GBE1: variants seen among roughly 807,000 people sequenced by gnomAD.
GBE1 encodes 1,4-alpha-glucan-branching enzyme.
Under a neutral mutation model 88.8 loss-of-function variants are expected in GBE1, and 70 were observed. The ratio of observed to expected loss-of-function variants is 0.79; its 90% CI spans 0.65 to 0.96. GBE1 has a LOEUF of 0.96. Among genes scored for constraint, GBE1 ranks in the 40% least tolerant of loss-of-function variants. GBE1 has a pLI of 0.00. For synonymous variants in GBE1, 284 were observed against 300.1 expected, an observed-to-expected ratio of 0.95 and a Z score of 0.56; for missense variants, 872 against 871.0, an observed-to-expected ratio of 1.00 and a Z score of -0.01.
chr3:81,674,919 A>G (rs1705232417), intron 2 of GBE1, among the ~76,000 whole-genome samples: 1 of 152,024 alleles, frequency 6.6e-6, no homozygotes. Flanking sequence ...CCAAGCATAG[A>G]ACTACACATA....
chr3:81,528,811 C>T (rs1006999281), intron 14 of GBE1, among the ~76,000 whole-genome samples: 5 of 151,900 alleles, frequency 3.3e-5, no homozygotes, highest in Non-Finnish European at 5.9e-5. Flanking sequence ...TTTATGCTTT[C>T]TGTTTGCATA....
At chr3:81,514,418 C>T (rs949822006) in intron 14 of GBE1, among the ~76,000 whole-genome samples, 2 of 151,442 alleles carry the variant, frequency 1.3e-5, no homozygotes, top group Non-Finnish European at 1.5e-5. Flanking sequence ...ACAGCTGATA[C>T]CACATAACTA....
chr3:81,743,601 G>A lies in GBE1; in HGVS notation c.143+17774C>T, dbSNP rs1706381475. 5 of 1,535,040 alleles carry A rather than the reference G, an allele frequency of 3.3e-6. 1 individual carries two copies. The Admixed American group carries it at 9.8e-5, about 30-fold the overall frequency. ...TGGGACAACGAAGTTAGAAACAGCTGTTAATCTGGGCCGAATCCAAGTGAA... is the reference window on the plus strand; with the variant it reads ...TGGGACAACGAAGTTAGAAACAGCTATTAATCTGGGCCGAATCCAAGTGAA... On this transcript the variant is annotated intron_variant, in intron 1 of 15. Coordinates refer to ENST00000429644, the MANE Select transcript of GBE1 (RefSeq NM_000158.4).
rs145751568 is a variant in GBE1 at position 81,748,410 on chromosome 3, A to G, written c.143+12965T>C. On this transcript the variant is annotated intron_variant, in intron 1 of 15. Coordinates refer to ENST00000429644, the MANE Select transcript of GBE1 (RefSeq NM_000158.4). The stretch of plus-strand genomic sequence containing the variant: ...GCGGATCACCAGGTCAAGAGATTGA[A>G]ACCATCCTGGCTAACACTGTGAAAC... Among the ~76,000 whole-genome samples, 763 of 152,092 alleles carry G rather than the reference A, an allele frequency of 5.0e-3. 2 individuals are homozygous for G. Among genetic ancestry groups the G allele is most frequent in the African/African-American group, 0.018 (732 of 41,490 alleles).
At chr3:81,551,324 TG>T (rs979363552) in intron 12 of GBE1, among the ~76,000 whole-genome samples, 1 of 152,100 alleles carries the variant, frequency 6.6e-6, no homozygotes, top group East Asian at 1.9e-4. Flanking sequence ...CTTAACATGA[TG>T]GGGGGTGCTG....
rs553353435 is a variant in GBE1, at chr3:81,705,426, A to G, written c.313+18T>C. On this transcript the variant is annotated intron_variant, in intron 2 of 15. Coordinates refer to ENST00000429644, the MANE Select transcript of GBE1 (RefSeq NM_000158.4). The stretch of plus-strand genomic sequence containing the variant: ...TAATAAGATATTACTATTTAGTTCA[A>G]TGCTTTCAAGTACTTACTAAAATCT... The G allele has an allele frequency of 7.2e-6, 11 of 1,531,056 alleles. No individual in the cohort carries two copies. Among genetic ancestry groups the G allele is most frequent in the Non-Finnish European group, 9.7e-6 (11 of 1,139,552 alleles). The allele number at this position is 1,531,056 out of a possible 1,614,324, so 94.8% of individuals were successfully genotyped here.
intron 14 of GBE1, among the ~76,000 whole-genome samples, chr3:81,513,297 G>C (rs1291024009): frequency 1.3e-5 from 2 of 151,576 alleles, no homozygotes; most frequent in Non-Finnish European, 2.9e-5. Context: ...AAGAAAGAAA[G>C]GTGGGCAAAT....
intron 7 of GBE1, among the ~76,000 whole-genome samples, chr3:81,620,885 A>C (rs971357488): frequency 3.3e-5 from 5 of 152,306 alleles, no homozygotes; most frequent in Admixed American, 3.3e-4. Flanking sequence ...AAGATAGTCC[A>C]TAAAGCAGAG....
intron 3 of GBE1, 139 bp downstream of exon 3, chr3:81,670,699 C>A: frequency 1.9e-6 from 1 of 538,456 alleles, no homozygotes; most frequent in South Asian, 3.0e-5. Context: ...TCCTAAATTT[C>A]CCTCTATTTG....
intron 7 of GBE1, among the ~76,000 whole-genome samples, chr3:81,629,018 G>GTTTTTTTTTTTTTTTTT (rs34707682): frequency 6.1e-5 from 6 of 98,002 alleles, no homozygotes; most frequent in Non-Finnish European, 9.4e-5. Context: ...TTATGTTTAA[G>GTTTTTTTTTTTTTTTTT]TTTTTTTTTT....
intron 1 of GBE1, among the ~76,000 whole-genome samples, chr3:81,730,593 G>GA (rs1366203326): frequency 6.6e-6 from 1 of 152,074 alleles, no homozygotes; most frequent in Non-Finnish European, 1.5e-5. Context: ...AGCGTGGAAA[G>GA]AAAAAAAGCA....
At chr3:81,505,757 T>C (rs1343084387) in intron 14 of GBE1, among the ~76,000 whole-genome samples, 1 of 151,612 alleles carries the variant, frequency 6.6e-6, no homozygotes. Context: ...TGTGTGTCTA[T>C]GTGTGTGTGT....
At chr3:81,641,719 T>C (rs1704681428) in intron 7 of GBE1, among the ~76,000 whole-genome samples, 1 of 151,940 alleles carries the variant, frequency 6.6e-6, no homozygotes, top group African/African-American at 2.4e-5. Context: ...TATCCAGAAA[T>C]AATGTATGAA....
chr3:81,744,033 T>C (rs184466709), intron 1 of GBE1, among the ~76,000 whole-genome samples: 1 of 152,280 alleles, frequency 6.6e-6, no homozygotes, highest in African/African-American at 2.4e-5. Flanking sequence ...ACCTCTGTTA[T>C]GAACACAGGG....
At chr3:81,674,993 T>C (rs893434169) in intron 2 of GBE1, among the ~76,000 whole-genome samples, 2 of 151,982 alleles carry the variant, frequency 1.3e-5, no homozygotes, top group Non-Finnish European at 2.9e-5. Context: ...GAGAATCACA[T>C]GGATTTGTTA....
intron 7 of GBE1, chr3:81,612,636 T>G (rs1704198215): frequency 1.7e-6 from 1 of 582,082 alleles, no homozygotes; most frequent in Non-Finnish European, 3.3e-6. Flanking sequence ...CGGAGTTTGT[T>G]ACATTTCTAT....
At chr3:81,644,063 G>T (rs754245863) in intron 6 of GBE1, among the ~76,000 whole-genome samples, 1 of 150,870 alleles carries the variant, frequency 6.6e-6, no homozygotes, top group Non-Finnish European at 1.5e-5. Flanking sequence ...TTTTCATTCA[G>T]CCATTCACTC....
At chr3:81,612,317 G>A (rs1471527664) in intron 7 of GBE1, 28 of 808,436 alleles carry the variant, frequency 3.5e-5, no homozygotes, top group East Asian at 1.7e-4. Flanking sequence ...TTAATGTTTC[G>A]TCAAATCCAT....
chr3:81,550,058 C>T (rs1419599548), intron 12 of GBE1, among the ~76,000 whole-genome samples: 2 of 151,448 alleles, frequency 1.3e-5, no homozygotes, highest in Non-Finnish European at 3.0e-5. Context: ...TAACCCTGGG[C>T]ACACTGGAAC....
Sources: allele counts gnomAD v4.1 joint callset (sites outside exome capture counted in the v4.1 genomes callset), GRCh38; gene constraint gnomAD v4.1.1; transcripts MANE v1.5; gene names NCBI Gene and HGNC (gene_info 2026-07-23, HGNC 2026-07-21).